The following PGM5 variants were observed in gnomAD, a reference collection of about 807,000 sequenced individuals.
PGM5 encodes phosphoglucomutase 5.
PGM5 carries 23 observed loss-of-function variants against 59.2 expected under a neutral mutation model. The observed-to-expected ratio is 0.39, with a 90% CI of 0.28 to 0.55. The LOEUF is 0.55. Ranked by LOEUF, PGM5 falls within the 20% of genes least tolerant of loss-of-function variation. The pLI, the probability that PGM5 is intolerant of heterozygous loss-of-function variation, is 0.66. For synonymous variants in PGM5, 214 were observed against 286.0 expected, an observed-to-expected ratio of 0.75 and a Z score of 2.54; for missense variants, 574 against 748.3, an observed-to-expected ratio of 0.77 and a Z score of 2.72.
intron 10 of PGM5, among the ~76,000 whole-genome samples, chr9:68,519,827 A>G (rs1203590887): frequency 6.6e-6 from 1 of 151,566 alleles, no homozygotes; most frequent in Non-Finnish European, 1.5e-5. Context: ...TTCAGAGGCC[A>G]AGGTGGTAGG....
intron 1 of PGM5, chr9:68,371,627 C>G (rs1383896426): frequency 2.0e-5 from 3 of 150,876 alleles, no homozygotes; most frequent in Non-Finnish European, 4.4e-5. Context: ...GATGCAGAGC[C>G]TCAGAGAAGT....
intron 6 of PGM5, among the ~76,000 whole-genome samples, chr9:68,445,403 T>C (rs1020254447): frequency 4.6e-5 from 7 of 152,310 alleles, no homozygotes; most frequent in East Asian, 1.9e-4. Context: ...ACCCCATCCA[T>C]TGGAGCTGCA....
intron 3 of PGM5, among the ~76,000 whole-genome samples, chr9:68,385,701 A>G (rs1221071989): frequency 1.3e-5 from 2 of 152,056 alleles, no homozygotes; most frequent in African/African-American, 4.8e-5. Context: ...TATGCTGATT[A>G]CATATGGTTG....
chr9:68,389,143 T>A (rs1361299019), intron 4 of PGM5, among the ~76,000 whole-genome samples: 1 of 152,070 alleles, frequency 6.6e-6, no homozygotes, highest in Non-Finnish European at 1.5e-5. Flanking sequence ...ATTATATTTT[T>A]AATTTCCCAA....
intron 10 of PGM5, among the ~76,000 whole-genome samples, chr9:68,503,232 A>AC (rs35418792): frequency 2.0e-5 from 3 of 152,180 alleles, no homozygotes; most frequent in African/African-American, 7.2e-5. Context: ...ACAGGGTTAC[A>AC]CCCCAATAAA....
chr9:68,477,256 C>T (rs566765368), intron 7 of PGM5, among the ~76,000 whole-genome samples: 3 of 152,340 alleles, frequency 2.0e-5, no homozygotes, highest in Non-Finnish European at 2.9e-5. Flanking sequence ...GTAGGAAGAA[C>T]TAAAAACCTG....
intron 6 of PGM5, among the ~76,000 whole-genome samples, chr9:68,420,419 C>A (rs1823108281): frequency 6.6e-6 from 1 of 152,202 alleles, no homozygotes; most frequent in Admixed American, 6.5e-5. Flanking sequence ...AATGGCTCCA[C>A]TGACCTTGAG....
chr9:68,509,456 T>C (rs11788769), intron 10 of PGM5, among the ~76,000 whole-genome samples: 83,145 of 151,996 alleles, frequency 0.55, 23,479 homozygotes, highest in Admixed American at 0.64. Flanking sequence ...AGATGGAAGG[T>C]AGATGAGGCT....
intron 6 of PGM5, among the ~76,000 whole-genome samples, chr9:68,438,448 C>T (rs1399836572): frequency 3.9e-5 from 6 of 152,146 alleles, no homozygotes; most frequent in Non-Finnish European, 7.4e-5. Flanking sequence ...CACTTCCCAG[C>T]TCCCCTTTCA....
intron 10 of PGM5, among the ~76,000 whole-genome samples, chr9:68,507,490 T>G (rs1405825313): frequency 6.6e-6 from 1 of 152,220 alleles, no homozygotes; most frequent in African/African-American, 2.4e-5. Context: ...CTACATATAT[T>G]CAAATAATTT....
intron 6 of PGM5, among the ~76,000 whole-genome samples, chr9:68,411,263 G>A (rs1554681585): frequency 1.3e-5 from 2 of 151,994 alleles, no homozygotes; most frequent in Admixed American, 1.3e-4. Context: ...AGCCGGGTGT[G>A]CCTGTAGTCC....
At chr9:68,424,790 C>T (rs782537067) in intron 6 of PGM5, among the ~76,000 whole-genome samples, 22 of 152,180 alleles carry the variant, frequency 1.4e-4, no homozygotes, top group Non-Finnish European at 2.6e-4. Flanking sequence ...GAACTACCAT[C>T]CCAGGTGTAC....
intron 9 of PGM5, among the ~76,000 whole-genome samples, chr9:68,487,035 T>A (rs1438021167): frequency 2.0e-5 from 3 of 152,202 alleles, no homozygotes; most frequent in African/African-American, 7.2e-5. Flanking sequence ...TTGATTTCTA[T>A]AAGGAGAAAC....
At chr9:68,505,397 A>G (rs1290638998) in intron 10 of PGM5, among the ~76,000 whole-genome samples, 1 of 152,060 alleles carries the variant, frequency 6.6e-6, no homozygotes, top group African/African-American at 2.4e-5. Context: ...TTTAGCCCAG[A>G]CCCCACAAGT....
At chr9:68,511,652 G>C (rs547109868) in intron 10 of PGM5, among the ~76,000 whole-genome samples, 1 of 140,082 alleles carries the variant, frequency 7.1e-6, no homozygotes, top group East Asian at 2.4e-4. Flanking sequence ...CCAGGTTCAA[G>C]CAATTCTCCT....
chr9:68,427,980 T>C (rs1406714114), intron 6 of PGM5, among the ~76,000 whole-genome samples: 6 of 152,340 alleles, frequency 3.9e-5, no homozygotes, highest in Admixed American at 3.9e-4. Flanking sequence ...GAGTAAAGAC[T>C]TGGAGTTCTC....
At chr9:68,367,967 T>C (rs1554676837) in intron 1 of PGM5, among the ~76,000 whole-genome samples, 1 of 152,100 alleles carries the variant, frequency 6.6e-6, no homozygotes, top group African/African-American at 2.4e-5. Flanking sequence ...GAATGAGTTT[T>C]TGTTTTGGGG....
chr9:68,372,397 G>T (rs1395581584), intron 1 of PGM5, among the ~76,000 whole-genome samples: 5 of 150,024 alleles, frequency 3.3e-5, no homozygotes, highest in East Asian at 2.0e-4. Context: ...TTCTAGTAAG[G>T]ACAAAGTGCT....
At chr9:68,415,273 A>G (rs186547278) in intron 6 of PGM5, among the ~76,000 whole-genome samples, 1 of 149,480 alleles carries the variant, frequency 6.7e-6, no homozygotes, top group Non-Finnish European at 1.5e-5. Context: ...AGCTCTGGGC[A>G]GTGTGGGATC....
Sources: allele counts gnomAD v4.1 joint callset (sites outside exome capture counted in the v4.1 genomes callset), GRCh38; gene constraint gnomAD v4.1.1; transcripts MANE v1.5; gene names NCBI Gene and HGNC (gene_info 2026-07-23, HGNC 2026-07-21).